The following AVPR1B variants were observed in gnomAD, a reference collection of about 807,000 sequenced individuals.
AVPR1B encodes the protein arginine vasopressin receptor 1B, also known as vasopressin V1b receptor.
Under a neutral mutation model 27.5 loss-of-function variants are expected in AVPR1B, and 25 were observed. That is an observed-to-expected ratio of 0.91 (90% confidence interval 0.66 to 1.27). The LOEUF is 1.27. Among genes scored for constraint, AVPR1B ranks in the 50% most tolerant of loss-of-function variants. AVPR1B has a pLI of 0.00. For synonymous variants in AVPR1B, 248 were observed against 240.2 expected (o/e 1.03, Z -0.30); for missense variants, 595 against 556.9 (o/e 1.07, Z -0.69).
Position 206,111,159 on chromosome 1 carries a change from C to T in AVPR1B, c.941-636G>A, listed in dbSNP as rs35718053. Among the ~76,000 whole-genome samples the T allele has an allele frequency of 7.3e-3, 1,114 of 152,260 alleles. 13 individuals carry two copies. The highest frequency in any genetic ancestry group is 0.026 in the African/African-American group (1,068 of 41,546). The stretch of plus-strand genomic sequence containing the variant: ...CTATCGACACCTATGCCATCATTGC[C>T]CCCTACAGCCAAGGGGGCAGCTTTT... On this transcript the variant is annotated intron_variant, in intron 1 of 1. Transcript: ENST00000367126.
At chr1:206,113,534 G>C (rs1304082954) in intron 1 of AVPR1B, among the ~76,000 whole-genome samples, 1 of 152,144 alleles carries the variant, frequency 6.6e-6, no homozygotes, top group Non-Finnish European at 1.5e-5. Context: ...CTTGGTAAGT[G>C]GTGAATCACT....
rs1168772636 is a variant in AVPR1B, at chr1:206,110,310, C to A, written c.1154G>T (p.Cys385Phe). 28 of 1,613,644 alleles carry A rather than the reference C, an allele frequency of 1.7e-5. No homozygotes were observed. Among genetic ancestry groups the A allele is most frequent in the Non-Finnish European group, 2.3e-5 (27 of 1,179,932 alleles). Residue 385 changes from cysteine (C) to phenylalanine (F), a missense_variant, in exon 2 of 2, where the codon TGC (cysteine) becomes TTC (phenylalanine). Physicochemically the swap from Cys to Phe is radical, Grantham distance 205. Coordinates refer to ENST00000367126, the MANE Select transcript of AVPR1B (RefSeq NM_000707.5). ...RHTTLLTRSS[C>F]PATLSLSLSL... ...GAGGCTGAGGCTGAGGGTGGCCGGG[C>A]AGCTGGAGCGGGTCAGCAGCGTGGT...
At chr1:206,112,523 C>G (rs1553289977) in intron 1 of AVPR1B, among the ~76,000 whole-genome samples, 1 of 152,166 alleles carries the variant, frequency 6.6e-6, no homozygotes, top group Non-Finnish European at 1.5e-5. Context: ...CGCTCTGACC[C>G]TCAGGCTGGA....
At position 206,109,987 on chromosome 1, in the gene AVPR1B, A is replaced by G; in HGVS notation, c.*202T>C. On this transcript the variant is annotated 3_prime_UTR_variant, in exon 2 of 2. Coordinates refer to ENST00000367126, the MANE Select transcript of AVPR1B (RefSeq NM_000707.5). Reference sequence around the variant, plus strand: ...TTCTCCCTGACTGCCAGTGTCTGAGATTGGGAGCTTATGAGGCAGCCCTCA... The same window carrying G: ...TTCTCCCTGACTGCCAGTGTCTGAGGTTGGGAGCTTATGAGGCAGCCCTCA... The G allele has an allele frequency of 3.4e-6, 2 of 596,916 alleles. No individual in the cohort carries two copies. The highest frequency in any genetic ancestry group is 4.5e-5 in the South Asian group (2 of 44,646). 37.0% of individuals were successfully genotyped at this position (596,916 alleles called of 1,614,324 possible).
In AVPR1B at chr1:206,109,518, G is replaced by T. The variant is rs1434995549; in HGVS notation, c.*671C>A. Among the ~76,000 whole-genome samples, 1 of 151,346 alleles carries T rather than the reference G, an allele frequency of 6.6e-6. No individual in the cohort carries two copies. The highest frequency in any genetic ancestry group is 1.5e-5 in the Non-Finnish European group (1 of 67,926). On this transcript the variant is annotated 3_prime_UTR_variant, in exon 2 of 2. Coordinates refer to ENST00000367126, the MANE Select transcript of AVPR1B (RefSeq NM_000707.5). ...TATACAACACTTTCCCGTCATCCAC[G>T]CTGTCATGGGGGGTGGCACGAGGAG...
At position 206,116,862 on chromosome 1, in the gene AVPR1B, T is replaced by C. The variant is rs190545074; in HGVS notation, c.29A>G (p.Asn10Ser). MDSGPLWDA[N>S]PTPRGTLSAP... ...AGAGAGGGTGCCCCGAGGGGTGGGG[T>C]TGGCATCCCACAGAGGCCCAGAATC... Residue 10 changes from asparagine (N) to serine (S), a missense_variant, in exon 1 of 2, where the codon AAC becomes AGC. Transcript: ENST00000367126. 96 of 1,612,750 alleles carry C rather than the reference T, an allele frequency of 6.0e-5. No individual in the cohort carries two copies. The East Asian group carries it at 1.9e-3, about 32-fold the overall frequency.
rs566866188 is a variant in AVPR1B, at chr1:206,116,926, G to A, written c.-36C>T. The A allele has an allele frequency of 4.5e-6, 7 of 1,553,822 alleles. No individual in the cohort carries two copies. The South Asian group carries it at 6.0e-5, about 13-fold the overall frequency. ...TGCTGGGAGGGAAGGATGAAGGGAG[G>A]GTGTGGATGCAAGTGGAGAGGTTTG... On this transcript the variant is annotated 5_prime_UTR_variant, in exon 1 of 2. Transcript: ENST00000367126.
chr1:206,107,738 A>G lies in AVPR1B; in HGVS notation c.*2451T>C, dbSNP rs74469297. ...AAGTGCTTTAGTCAGCCTTGATCCC[A>G]GGTCTGTCTCCTCTTTTCCTCTCTG... On this transcript the variant is annotated 3_prime_UTR_variant, in exon 2 of 2. Transcript: ENST00000367126. Among the ~76,000 whole-genome samples the G allele has an allele frequency of 2.8e-3, 420 of 152,340 alleles. 12 individuals are homozygous for G. In the East Asian group the frequency reaches 0.054, roughly 20 times the overall value.
rs782203776 is a variant in AVPR1B, at chr1:206,116,461, G to T, written c.430C>A (p.Gln144Lys). The change falls in exon 1 of 2, where the codon CAG becomes AAG. Residue 144 changes from glutamine to lysine, a missense_variant. By Grantham distance (53) the Gln-to-Lys change is moderately conservative. Transcript: ENST00000367126. ...LAVCHPLRSL[Q>K]QPGQSTYLLI... ...AGGTAGGTGGACTGGCCTGGCTGCT[G>T]GAGGCTGCGCAGGGGGTGACAGACA... is the stretch of plus-strand genomic sequence containing the variant. 7.4e-6 allele frequency: 12 copies of T among 1,613,948 alleles called. No individual in the cohort carries two copies. The highest frequency in any genetic ancestry group is 9.3e-6 in the Non-Finnish European group (11 of 1,180,034).
rs781597395 is a variant in AVPR1B at position 206,116,612 on chromosome 1, C to T, written c.279G>A (p.Leu93=). The T allele has an allele frequency of 1.2e-6, 2 of 1,614,114 alleles. No homozygotes were observed. The highest frequency in any genetic ancestry group is 1.7e-6 in the Non-Finnish European group (2 of 1,180,018). Reference sequence around the variant, plus strand: ...CCTGGAAGCGGTAGGTGATGTCCCACAGCAGCTGTGGCAGCACCTGGAAGA... The same window carrying T: ...CCTGGAAGCGGTAGGTGATGTCCCATAGCAGCTGTGGCAGCACCTGGAAGA... ...VALFQVLPQL[L]WDITYRFQGP... The change falls in exon 1 of 2, where the codon CTG becomes CTA. Residue 93 remains leucine (L), a synonymous_variant. Transcript: ENST00000367126.
At position 206,110,230 on chromosome 1, in the gene AVPR1B, G is replaced by A. The variant is rs781829914; in HGVS notation, c.1234C>T (p.Leu412=). Reference sequence around the variant, plus strand: ...TCAGCGGTGCCTTCCCCATCTGCCAGCTCCAAGTCCCTTGGTGACTCTTCA... The same window carrying A: ...TCAGCGGTGCCTTCCCCATCTGCCAACTCCAAGTCCCTTGGTGACTCTTCA... ...RPEESPRDLE[L]ADGEGTAETI... Residue 412 remains leucine, a synonymous_variant, in exon 2 of 2, where the codon CTG becomes TTG. Transcript: ENST00000367126. 2 of 1,613,618 alleles carry A rather than the reference G, an allele frequency of 1.2e-6. No homozygotes were observed. The highest frequency in any genetic ancestry group is 1.7e-5 in the Admixed American group (1 of 59,984).
Position 206,110,047 on chromosome 1 carries a change from C to G in AVPR1B, c.*142G>C, listed in dbSNP as rs902452568. The G allele has an allele frequency of 3.1e-6, 3 of 956,948 alleles. No homozygotes were observed. Among genetic ancestry groups the G allele is most frequent in the Admixed American group, 3.0e-5 (1 of 33,882 alleles). The allele number at this position is 956,948 out of a possible 1,614,324, so 59.3% of individuals were successfully genotyped here. A position where few individuals can be genotyped will look rare whatever the true frequency, so the allele number is the denominator to read the frequency against. ...CAGCTGTGACACCAGGGTAGGGGAC[C>G]CATTCTGGCCTTTTCGCTCCGCTTT... On this transcript the variant is annotated 3_prime_UTR_variant, in exon 2 of 2. Transcript: ENST00000367126.
In AVPR1B at chr1:206,109,554, G is replaced by A. The variant is rs1211646804; in HGVS notation, c.*635C>T. The stretch of plus-strand genomic sequence containing the variant: ...GGGTGGCACGAGGAGAAGAGGGACT[G>A]GCATTTGCAGAGTTCCTGCTAGGTA... On this transcript the variant is annotated 3_prime_UTR_variant, in exon 2 of 2. Coordinates refer to ENST00000367126, the MANE Select transcript of AVPR1B (RefSeq NM_000707.5). 1 of 152,212 alleles carries A rather than the reference G, an allele frequency of 6.6e-6. No homozygotes were observed. The highest frequency in any genetic ancestry group is 1.5e-5 in the Non-Finnish European group (1 of 68,166). The allele number at this position is 152,212 out of a possible 1,614,324, so 9.4% of individuals were successfully genotyped here.
Position 206,116,518 on chromosome 1 carries a change from G to A in AVPR1B, c.373C>T (p.Leu125=). 1 of 1,614,168 alleles carries A rather than the reference G, an allele frequency of 6.2e-7. No individual in the cohort carries two copies. The highest frequency in any genetic ancestry group is 1.6e-4 in the Middle Eastern group (1 of 6,062). Reference sequence around the variant, plus strand: ...TAGCGGTCCAGCGTCATGGCCAGCAGCATGTAGGTGGAGGCAAACATGCTG... The same window carrying A: ...TAGCGGTCCAGCGTCATGGCCAGCAACATGTAGGTGGAGGCAAACATGCTG... ...VLSMFASTYM[L]LAMTLDRYLA... The change falls in exon 1 of 2, where the codon CTG becomes TTG. Residue 125 remains leucine, a synonymous_variant. Coordinates refer to ENST00000367126, the MANE Select transcript of AVPR1B (RefSeq NM_000707.5).
At chr1:206,111,883 T>C in intron 1 of AVPR1B, among the ~76,000 whole-genome samples, 1 of 152,084 alleles carries the variant, frequency 6.6e-6, no homozygotes, top group Middle Eastern at 3.2e-3. Flanking sequence ...CACCTGGAAG[T>C]AGAAGAGGGA....
chr1:206,114,311 C>G (rs951279755), intron 1 of AVPR1B, among the ~76,000 whole-genome samples: 3 of 152,154 alleles, frequency 2.0e-5, no homozygotes, highest in Admixed American at 6.5e-5. Context: ...GCCTAGGACA[C>G]TTGCAGGTGT....
intron 1 of AVPR1B, among the ~76,000 whole-genome samples, chr1:206,111,343 A>T (rs1221167322): frequency 6.6e-6 from 1 of 152,182 alleles, no homozygotes; most frequent in Non-Finnish European, 1.5e-5. Flanking sequence ...TCCAGACAAA[A>T]TATTCTTTCT....
At chr1:206,115,865 C>T in intron 1 of AVPR1B, 86 bp downstream of exon 1, 7 of 1,373,016 alleles carry the variant, frequency 5.1e-6, no homozygotes, top group Non-Finnish European at 6.9e-6. Flanking sequence ...CTGCCTGGCC[C>T]TGGGAGGCAT....
Position 206,109,189 on chromosome 1 carries a change from A to AC in AVPR1B, c.*999dup, listed in dbSNP as rs1182003664. 6.6e-6 allele frequency among the ~76,000 whole-genome samples: 1 copy of AC among 152,120 alleles called. No homozygotes were observed. The highest frequency in any genetic ancestry group is 1.5e-5 in the Non-Finnish European group (1 of 68,012). On this transcript the variant is annotated 3_prime_UTR_variant, in exon 2 of 2. Transcript: ENST00000367126. ...TACTGAAGGCAGAGCTGAGATTCAA[A>AC]CCCGGGCTCCTAACTGGATCACAGC...
Sources: allele counts gnomAD v4.1 joint callset (sites outside exome capture counted in the v4.1 genomes callset), GRCh38; gene constraint gnomAD v4.1.1; transcripts MANE v1.5; gene names NCBI Gene and HGNC (gene_info 2026-07-23, HGNC 2026-07-21).